CCSER1: variants seen among roughly 807,000 people sequenced by gnomAD.
CCSER1 encodes coiled-coil serine rich protein 1.
Under a neutral mutation model 82.0 loss-of-function variants are expected in CCSER1, and 41 were observed. That is an observed-to-expected ratio of 0.50 (90% CI 0.39 to 0.65). CCSER1 has a LOEUF of 0.65. Among genes scored for constraint, CCSER1 ranks in the 30% least tolerant of loss-of-function variants. CCSER1 has a pLI of 0.00. For synonymous variants in CCSER1, 414 were observed against 383.9 expected, an observed-to-expected ratio of 1.08 and a Z score of -0.92; for missense variants, 1,119 against 1,064.2, an observed-to-expected ratio of 1.05 and a Z score of -0.72.
intron 6 of CCSER1, among the ~76,000 whole-genome samples, chr4:90,709,383 T>A (rs1740045674): frequency 6.6e-6 from 1 of 152,044 alleles, no homozygotes; most frequent in African/African-American, 2.4e-5. Flanking sequence ...TCCCATCACC[T>A]AGGTATTAAG....
intron 8 of CCSER1, among the ~76,000 whole-genome samples, chr4:90,877,169 A>G (rs1264228345): frequency 1.3e-5 from 2 of 152,104 alleles, no homozygotes; most frequent in Non-Finnish European, 2.9e-5. Context: ...AGGTGCAGGT[A>G]AAAAGCTTGA....
At chr4:91,017,499 T>G (rs909272705) in intron 9 of CCSER1, among the ~76,000 whole-genome samples, 27 of 152,118 alleles carry the variant, frequency 1.8e-4, no homozygotes, top group African/African-American at 6.5e-4. Context: ...TGCAGAGTAT[T>G]TTGTCACCTA....
chr4:90,234,268 G>A (rs1014632751), intron 1 of CCSER1, among the ~76,000 whole-genome samples: 8 of 151,156 alleles, frequency 5.3e-5, no homozygotes, highest in Admixed American at 2.0e-4. Context: ...CCAGGCTGGA[G>A]TGTGATGGCA....
rs578121742 is a variant in CCSER1, at chr4:90,863,540, G to A, written c.2094+47695G>A. ...TCCTTTATCCCTCATTTTTCTTTGCGTTTCTTTTTTTCTTTTTACAGCAAA... is the reference window on the plus strand; with the variant it reads ...TCCTTTATCCCTCATTTTTCTTTGCATTTCTTTTTTTCTTTTTACAGCAAA... On this transcript the variant is annotated intron_variant, in intron 8 of 10. Coordinates refer to ENST00000509176, the MANE Select transcript of CCSER1 (RefSeq NM_001145065.2). 7.2e-4 allele frequency among the ~76,000 whole-genome samples: 109 copies of A among 151,064 alleles called. 1 individual carries two copies. Among genetic ancestry groups the A allele is most frequent in the South Asian group, 3.6e-3 (17 of 4,764 alleles).
At chr4:90,308,160 C>A in intron 1 of CCSER1, 84 bp from the exon 2 acceptor site, 2 of 1,030,848 alleles carry the variant, frequency 1.9e-6, no homozygotes, top group Non-Finnish European at 2.7e-6. Context: ...TATTTTGTGT[C>A]TCGAAAAGCA....
chr4:90,756,962 AT>A (rs1190441440), intron 7 of CCSER1, among the ~76,000 whole-genome samples: 1 of 152,198 alleles, frequency 6.6e-6, no homozygotes, highest in East Asian at 1.9e-4. Context: ...TAAACTAAAA[AT>A]AAATTTATGA....
chr4:91,389,199 T>G (rs984447097), intron 10 of CCSER1, among the ~76,000 whole-genome samples: 1 of 152,052 alleles, frequency 6.6e-6, no homozygotes, highest in Non-Finnish European at 1.5e-5. Flanking sequence ...TTTTAAAATT[T>G]ACATTTGGAT....
At chr4:91,441,338 C>T (rs1441763272) in intron 10 of CCSER1, among the ~76,000 whole-genome samples, 2 of 151,958 alleles carry the variant, frequency 1.3e-5, no homozygotes, top group African/African-American at 2.4e-5. Flanking sequence ...ATAAATGTAA[C>T]CCAGCATATA....
intron 8 of CCSER1, among the ~76,000 whole-genome samples, chr4:90,907,844 A>G (rs1363165913): frequency 3.3e-5 from 5 of 152,052 alleles, no homozygotes; most frequent in Non-Finnish European, 5.9e-5. Flanking sequence ...ACTTAAATTT[A>G]TATATGATAC....
At chr4:90,322,409 A>G (rs530645894) in intron 3 of CCSER1, among the ~76,000 whole-genome samples, 64 of 152,252 alleles carry the variant, frequency 4.2e-4, no homozygotes, top group Non-Finnish European at 7.5e-4. Flanking sequence ...AAGTCAGATA[A>G]TGTGATTCCT....
chr4:91,047,973 G>T (rs988948078), intron 9 of CCSER1, among the ~76,000 whole-genome samples: 1 of 151,708 alleles, frequency 6.6e-6, no homozygotes, highest in African/African-American at 2.4e-5. Flanking sequence ...TCTTATTCTG[G>T]TTCTTTGAGT....
intron 10 of CCSER1, among the ~76,000 whole-genome samples, chr4:91,312,459 A>T (rs1418631011): frequency 1.3e-5 from 2 of 151,882 alleles, no homozygotes; most frequent in Non-Finnish European, 2.9e-5. Context: ...GTTGCTAGGG[A>T]TATACTGGTG....
intron 1 of CCSER1, among the ~76,000 whole-genome samples, chr4:90,158,768 G>A (rs1728845707): frequency 6.6e-6 from 1 of 152,168 alleles, no homozygotes; most frequent in African/African-American, 2.4e-5. Context: ...CGATTTTCCA[G>A]GTGCTGTCTG....
Position 91,036,597 on chromosome 4 carries a change from C to T in CCSER1, c.2173-49353C>T, listed in dbSNP as rs549072047. Among the ~76,000 whole-genome samples the T allele has an allele frequency of 4.7e-4, 71 of 152,186 alleles. 1 individual carries two copies. Among genetic ancestry groups the T allele is most frequent in the African/African-American group, 1.6e-3 (67 of 41,526 alleles). On this transcript the variant is annotated intron_variant, in intron 9 of 10. Coordinates refer to ENST00000509176, the MANE Select transcript of CCSER1 (RefSeq NM_001145065.2). Reference sequence around the variant, plus strand: ...TTCCACCTTCAAAATATAGTAGTCTCATTTTATTTCCCAAACTGTGAAAGG... The same window carrying T: ...TTCCACCTTCAAAATATAGTAGTCTTATTTTATTTCCCAAACTGTGAAAGG...
intron 10 of CCSER1, among the ~76,000 whole-genome samples, chr4:91,565,517 C>A (rs1390392041): frequency 1.3e-5 from 2 of 152,008 alleles, no homozygotes; most frequent in Non-Finnish European, 1.5e-5. Flanking sequence ...GATATTGATT[C>A]TTCCTATTTA....
At chr4:90,756,981 G>C (rs1580328913) in intron 7 of CCSER1, among the ~76,000 whole-genome samples, 1 of 152,220 alleles carries the variant, frequency 6.6e-6, no homozygotes, top group African/African-American at 2.4e-5. Flanking sequence ...TGAAAACTTA[G>C]ATTTAACCTA....
At chr4:91,445,435 T>C (rs977268454) in intron 10 of CCSER1, among the ~76,000 whole-genome samples, 1 of 151,756 alleles carries the variant, frequency 6.6e-6, no homozygotes, top group Admixed American at 6.6e-5. Flanking sequence ...CCTCTCTCTC[T>C]GCCACCCAAT....
intron 5 of CCSER1, among the ~76,000 whole-genome samples, chr4:90,504,013 A>C (rs1037698517): frequency 6.6e-6 from 1 of 152,128 alleles, no homozygotes; most frequent in African/African-American, 2.4e-5. Context: ...CTTTATCACC[A>C]AAAATACATA....
intron 6 of CCSER1, among the ~76,000 whole-genome samples, chr4:90,651,998 A>G (rs776959060): frequency 6.6e-6 from 1 of 152,154 alleles, no homozygotes; most frequent in Non-Finnish European, 1.5e-5. Context: ...TATCCTGAAT[A>G]ATAAATTTCC....
Sources: allele counts gnomAD v4.1 joint callset (sites outside exome capture counted in the v4.1 genomes callset), GRCh38; gene constraint gnomAD v4.1.1; transcripts MANE v1.5; gene names NCBI Gene and HGNC (gene_info 2026-07-23, HGNC 2026-07-21).